Variants in PIK3C3 observed in about 807,000 individuals in gnomAD.
The protein encoded by PIK3C3 is PI3-kinase type 3.
Under a neutral mutation model 126.1 loss-of-function variants are expected in PIK3C3, and 95 were observed. The observed-to-expected ratio is 0.75, with a 90% confidence interval of 0.64 to 0.89. The LOEUF (loss-of-function observed/expected upper bound fraction) is 0.89. PIK3C3 is among the 40% of genes least tolerant of loss of function. The pLI, the probability that PIK3C3 is intolerant of heterozygous loss-of-function variation, is 0.00. For synonymous variants in PIK3C3, 374 were observed against 360.0 expected, an observed-to-expected ratio of 1.04 and a Z score of -0.44; for missense variants, 829 against 1,063.2, an observed-to-expected ratio of 0.78 and a Z score of 3.06.
At chr18:42,031,337 T>A (rs1983815805) in intron 15 of PIK3C3, among the ~76,000 whole-genome samples, 1 of 152,206 alleles carries the variant, frequency 6.6e-6, no homozygotes, top group African/African-American at 2.4e-5. Context: ...TTGTCTTCTT[T>A]CCTTCGTTGA....
At chr18:41,981,074 G>C (rs763611830) in intron 4 of PIK3C3, among the ~76,000 whole-genome samples, 1 of 152,046 alleles carries the variant, frequency 6.6e-6, no homozygotes, top group South Asian at 2.1e-4. Context: ...TAAATATCTG[G>C]TATAGCTTTT....
intron 2 of PIK3C3, among the ~76,000 whole-genome samples, chr18:41,961,918 C>G (rs1028974515): frequency 6.6e-6 from 1 of 152,052 alleles, no homozygotes; most frequent in Non-Finnish European, 1.5e-5. Context: ...GCACTAATAG[C>G]TTAATGTTAT....
At chr18:42,061,986 A>C (rs1409432430) in intron 22 of PIK3C3, among the ~76,000 whole-genome samples, 1 of 152,026 alleles carries the variant, frequency 6.6e-6, no homozygotes, top group Non-Finnish European at 1.5e-5. Flanking sequence ...GGCAAGGGGA[A>C]AGTTCTGGAC....
intron 9 of PIK3C3, among the ~76,000 whole-genome samples, chr18:42,000,505 T>C (rs1982234270): frequency 6.6e-6 from 1 of 152,184 alleles, no homozygotes; most frequent in South Asian, 2.1e-4. Flanking sequence ...AAGTTGACTT[T>C]GGAGACAATG....
intron 10 of PIK3C3, among the ~76,000 whole-genome samples, chr18:42,005,453 A>G (rs946966546): frequency 1.3e-5 from 2 of 152,200 alleles, no homozygotes; most frequent in African/African-American, 4.8e-5. Context: ...CCATCAGGGA[A>G]GGAAGAACAC....
intron 6 of PIK3C3, among the ~76,000 whole-genome samples, chr18:41,992,217 G>A (rs930170838): frequency 1.3e-5 from 2 of 152,286 alleles, no homozygotes; most frequent in Admixed American, 1.3e-4. Context: ...CTGGGCCAGT[G>A]TATTGAATCT....
chr18:42,000,114 C>T (rs1982214451), intron 9 of PIK3C3, among the ~76,000 whole-genome samples: 1 of 152,142 alleles, frequency 6.6e-6, no homozygotes, highest in African/African-American at 2.4e-5. Flanking sequence ...ACTGCAATGG[C>T]ATGATCTCGG....
chr18:42,038,754 T>C lies in PIK3C3; in HGVS notation c.1969-27T>C, dbSNP rs182787400. 3.7e-5 allele frequency: 52 copies of C among 1,421,804 alleles called. 1 individual carries two copies. The East Asian group carries it at 6.1e-4, about 17-fold the overall frequency. The allele number at this position is 1,421,804 out of a possible 1,614,324, so 88.1% of individuals were successfully genotyped here. A position where few individuals can be genotyped will look rare whatever the true frequency, so the allele number is the denominator to read the frequency against. On this transcript the variant is annotated intron_variant, in intron 17 of 24. Transcript: ENST00000262039. ...TCTTTTAACAGTCTTTACATTTGGT[T>C]AATATATTTTACCTTTTGATTAAAA...
chr18:41,993,569 T>C (rs1003989086), intron 7 of PIK3C3, among the ~76,000 whole-genome samples: 8 of 152,132 alleles, frequency 5.3e-5, no homozygotes, highest in African/African-American at 1.9e-4. Flanking sequence ...GCATCCACTT[T>C]GTTTGAATTG....
intron 21 of PIK3C3, among the ~76,000 whole-genome samples, chr18:42,055,046 T>C (rs1985000801): frequency 6.6e-6 from 1 of 152,104 alleles, no homozygotes; most frequent in Non-Finnish European, 1.5e-5. Context: ...GGTATTTGAC[T>C]CCTCCAAATC....
At chr18:42,058,108 CAA>C (rs1310799760) in intron 22 of PIK3C3, 57 bp downstream of exon 22, 2 of 1,430,528 alleles carry the variant, frequency 1.4e-6, no homozygotes, top group East Asian at 2.4e-5. Flanking sequence ...TTTTATAGAA[CAA>C]GAGAATTTGT....
At chr18:42,064,548 T>TA in intron 22 of PIK3C3, 192 bp from the exon 23 acceptor site, 1 of 526,818 alleles carries the variant, frequency 1.9e-6, no homozygotes. Flanking sequence ...GAAATGGTGT[T>TA]ATACGAAGAC....
chr18:42,054,134 A>ATCTATATATATATCTATATATATATC (rs1341393915), intron 21 of PIK3C3, among the ~76,000 whole-genome samples: 3 of 12,574 alleles, frequency 2.4e-4, no homozygotes, highest in Admixed American at 6.7e-4. Context: ...TGGTATATAT[A>ATCTATATATATATCTATATATATATC]TATATATATA....
intron 10 of PIK3C3, among the ~76,000 whole-genome samples, chr18:42,011,513 C>CTGGA: frequency 6.6e-6 from 1 of 152,160 alleles, no homozygotes; most frequent in Non-Finnish European, 1.5e-5. Flanking sequence ...GAATTAGGGC[C>CTGGA]TTGCTCTGGA....
Position 42,015,522 on chromosome 18 carries a change from C to T in PIK3C3, c.1372C>T (p.Pro458Ser). Residue 458 changes from proline (P) to serine (S), a missense_variant, in exon 12 of 25, where the codon CCT (proline) becomes TCT (serine). Pro to Ser is a moderately conservative substitution (Grantham distance 74). Around this residue, in one of 4 missense-constraint regions of PIK3C3, gnomAD observed 256 missense variants for 291.0 expected, o/e 0.88. Coordinates refer to ENST00000262039, the MANE Select transcript of PIK3C3 (RefSeq NM_002647.4). ...SPLPSVSSPP[P>S]ASKTKEVPDG... ...CCTTCCTTCAGTCTCTTCACCTCCT[C>T]CTGCATCAAAAACAAAAGAAGTTCC... The T allele has an allele frequency of 6.2e-7, 1 of 1,613,746 alleles. No homozygotes were observed.
In PIK3C3 at chr18:42,084,243, AT is replaced by A. The variant is rs1303851755; in HGVS notation, c.*3108del. On this transcript the variant is annotated 3_prime_UTR_variant, in exon 25 of 25. Transcript: ENST00000262039. ...ATTGCGATTTAAAACAATAAACCAG[AT>A]TGAGATTCTAAGGAGCATTTTGTAA... 6.6e-6 allele frequency: 1 copy of A among 152,194 alleles called. No individual in the cohort carries two copies. The highest frequency in any genetic ancestry group is 1.5e-5 in the Non-Finnish European group (1 of 68,042). 9.4% of individuals were successfully genotyped at this position (152,194 alleles called of 1,614,324 possible). A position where few individuals can be genotyped will look rare whatever the true frequency, so the allele number is the denominator to read the frequency against.
At chr18:41,995,400 A>G (rs1981978229) in intron 7 of PIK3C3, among the ~76,000 whole-genome samples, 1 of 152,178 alleles carries the variant, frequency 6.6e-6, no homozygotes, top group South Asian at 2.1e-4. Flanking sequence ...TAAAACTAAT[A>G]ATTTTGTCCA....
Position 42,012,184 on chromosome 18 carries a change from A to T in PIK3C3, c.1171-1258A>T, listed in dbSNP as rs66473378. Among the ~76,000 whole-genome samples the T allele has an allele frequency of 1.2e-3, 85 of 69,718 alleles. 2 individuals carry two copies. In the Middle Eastern group the frequency reaches 0.028, roughly 23 times the overall value. 45.7% of individuals were successfully genotyped at this position (69,718 alleles called of 152,430 possible). On this transcript the variant is annotated intron_variant, in intron 10 of 24. Transcript: ENST00000262039. ...GGGTTGCTACAAACCTTCATTCTGT[A>T]AAAAAAAAAAAAAAATGCAATGTGT...
At chr18:42,014,228 A>G (rs993369853) in intron 11 of PIK3C3, among the ~76,000 whole-genome samples, 4 of 151,722 alleles carry the variant, frequency 2.6e-5, no homozygotes, top group Admixed American at 6.6e-5. Flanking sequence ...AAAAAAAAAA[A>G]AAAGAAATGG....
Sources: gnomAD v4.1 joint callset for allele counts (sites outside exome capture counted in the v4.1 genomes callset) on GRCh38, gnomAD v4.1.1 for gene constraint, gnomAD v4.1.1 regional missense constraint, MANE v1.5 for transcripts, NCBI Gene and HGNC (gene_info 2026-07-23, HGNC 2026-07-21) for gene names.